The following PKD1 variants were observed in gnomAD, a reference collection of about 807,000 sequenced individuals.
The protein encoded by PKD1 is polycystin-1.
PKD1 carries 81 observed loss-of-function variants against 361.7 expected under a neutral mutation model. That is an observed-to-expected ratio of 0.22 (90% CI 0.19 to 0.27). The LOEUF is 0.27. Ranked by LOEUF, PKD1 falls within the 10% of genes least tolerant of loss-of-function variation. The probability of loss-of-function intolerance (pLI) is 1.00; values close to 1 mark genes in which losing one functional copy is unlikely to be tolerated. For missense variants in PKD1, 6,399 were observed against 6,118.3 expected, an observed-to-expected ratio of 1.05 and a Z score of -1.53; for synonymous variants, 3,615 against 2,818.3, an observed-to-expected ratio of 1.28 and a Z score of -8.95.
rs775658891 is a variant in PKD1, at chr16:2,106,342, G to C, written c.7490-38C>G. ...CCCCACGGCATCACGGGAGGGCTCC[G>C]TGACGTCACAGAGTCGGGGGATCCC... On this transcript the variant is annotated intron_variant, in intron 18 of 45. Coordinates refer to ENST00000262304, the MANE Select transcript of PKD1 (RefSeq NM_001009944.3). This position sits in a 1 kb window ranked among gnomAD's most constrained non-coding sequence, Gnocchi z 6.5. 3 of 1,604,464 alleles carry C rather than the reference G, an allele frequency of 1.9e-6. No homozygotes were observed. The highest frequency in any genetic ancestry group is 2.6e-6 in the Non-Finnish European group (3 of 1,175,848).
Position 2,094,191 on chromosome 16 carries a change from T to G in PKD1, c.10519A>C (p.Lys3507Gln), listed in dbSNP as rs779961497. 2.5e-6 allele frequency: 4 copies of G among 1,605,070 alleles called. No homozygotes were observed. Among genetic ancestry groups the G allele is most frequent in the Non-Finnish European group, 3.4e-6 (4 of 1,174,456 alleles). The stretch of plus-strand genomic sequence containing the variant: ...CTCTGCAGCGCCAGCGTCTCTGTCT[T>G]CTCCCCAGGAGTGCTGGACCTGAGG... ...LSSLSSTPGE[K>Q]TETLALQRLG... The change falls in exon 35 of 46, where the codon AAG (lysine) becomes CAG (glutamine). Residue 3507 changes from lysine (K) to glutamine (Q), a missense_variant. Physicochemically the swap from Lys to Gln is moderately conservative, Grantham distance 53 (BLOSUM62 1). Transcript: ENST00000262304.
rs201085734 is a variant in PKD1 at position 2,092,142 on chromosome 16, G to T, written c.11316C>A (p.Ala3772=). ...AATCGCTGGTGCTGAAGCCTCCTGC[G>T]GCCGAGCACGTGTGGACCCTGGGGC... ...PPGPRVHTCS[A]AGGFSTSDYD... is the part of the protein sequence containing the mutation. The change falls in exon 40 of 46, where the codon GCC becomes GCA. Residue 3772 remains alanine, a synonymous_variant. Transcript: ENST00000262304. The T allele has an allele frequency of 1.9e-6, 3 of 1,612,590 alleles. No individual in the cohort carries two copies. In the Admixed American group the frequency reaches 5.0e-5, roughly 27 times the overall value.
At chr16:2,098,075 C>G (rs2091920603) in intron 30 of PKD1, 91 bp from the exon 31 acceptor site, 1 of 707,844 alleles carries the variant, frequency 1.4e-6, no homozygotes, top group Non-Finnish European at 2.6e-6. Context: ...CAGGACAGAG[C>G]CCGGTGCCAT....
At chr16:2,132,574 CA>C (rs57615937) in intron 1 of PKD1, among the ~76,000 whole-genome samples, 128 of 43,256 alleles carry the variant, frequency 3.0e-3, no homozygotes, top group African/African-American at 7.7e-3. Context: ...GACTCCGTCT[CA>C]AAAAAAAAAA....
At position 2,117,675 on chromosome 16, in the gene PKD1, G is replaced by T. The variant is rs766317718; in HGVS notation, c.1202-3C>A. On this transcript the variant is annotated splice_region_variant and splice_polypyrimidine_tract_variant and intron_variant, in intron 5 of 45. Transcript: ENST00000262304. ...CGAGGGGCAGAGCGGGTGCACCGCT[G>T]GAGACCGGTGGGAACGAGGGTGTCA... is the stretch of plus-strand genomic sequence containing the variant. The T allele has an allele frequency of 6.2e-7, 1 of 1,607,728 alleles. No homozygotes were observed. The highest frequency in any genetic ancestry group is 2.2e-5 in the East Asian group (1 of 44,848).
intron 37 of PKD1, 107 bp from the exon 38 acceptor site, chr16:2,093,200 G>C: frequency 7.2e-7 from 1 of 1,391,404 alleles, no homozygotes; most frequent in Non-Finnish European, 1.0e-6. Flanking sequence ...CTGCAGGAAG[G>C]TGAGCTGGCA....
intron 1 of PKD1, among the ~76,000 whole-genome samples, chr16:2,124,057 A>G (rs2092762247): frequency 6.6e-6 from 1 of 152,140 alleles, no homozygotes. Flanking sequence ...CACTGGGTGG[A>G]GAAGGAAGTC....
intron 1 of PKD1, among the ~76,000 whole-genome samples, chr16:2,127,184 G>A (rs2092809983): frequency 6.6e-6 from 1 of 152,220 alleles, no homozygotes; most frequent in Admixed American, 6.5e-5. Context: ...AATGCAGCGG[G>A]GTCCGCACAT....
Position 2,088,756 on chromosome 16 carries a change from T to C in PKD1, c.*971A>G, listed in dbSNP as rs2091250407. 5 of 1,187,384 alleles carry C rather than the reference T, an allele frequency of 4.2e-6. No homozygotes were observed. The highest frequency in any genetic ancestry group is 1.5e-5 in the African/African-American group (1 of 64,672). 73.6% of individuals were successfully genotyped at this position (1,187,384 alleles called of 1,614,324 possible). On this transcript the variant is annotated 3_prime_UTR_variant, in exon 46 of 46. Coordinates refer to ENST00000262304, the MANE Select transcript of PKD1 (RefSeq NM_001009944.3). ...TGACTTTGTCTGCTTGGTGCGGGGG[T>C]TGGGGGGGTGTCGAGGCTCTAGAAG...
rs776616291 is a variant in PKD1 at position 2,097,221 on chromosome 16, C to A, written c.10426G>T (p.Val3476Phe). The change falls in exon 34 of 46, where the codon GTC (valine) becomes TTC (phenylalanine). Residue 3476 changes from valine (V) to phenylalanine (F), a missense_variant. Transcript: ENST00000262304. ...SASDEDLIQQVLAEGVSSPAP... is the reference protein window; with the variant it reads ...SASDEDLIQQFLAEGVSSPAP... ...GGGCTGCTGACCCCCTCGGCAAGGA[C>A]CTGCTGGATCAGGTCTTCATCTAGA... The A allele has an allele frequency of 6.3e-7, 1 of 1,578,074 alleles. No individual in the cohort carries two copies. Among genetic ancestry groups the A allele is most frequent in the African/African-American group, 1.3e-5 (1 of 74,118 alleles).
At position 2,090,727 on chromosome 16, in the gene PKD1, C is replaced by G; in HGVS notation, c.12085G>C (p.Val4029Leu). The G allele has an allele frequency of 6.2e-7, 1 of 1,612,588 alleles. No individual in the cohort carries two copies. The highest frequency in any genetic ancestry group is 8.5e-7 in the Non-Finnish European group (1 of 1,179,946). The change falls in exon 44 of 46, where the codon GTC becomes CTC. Residue 4029 changes from valine (V) to leucine (L), a missense_variant. Val to Leu is a conservative substitution (Grantham distance 32). Coordinates refer to ENST00000262304, the MANE Select transcript of PKD1 (RefSeq NM_001009944.3). ...LCRALPELLGVTLGLVVLGVA... is the reference protein window; with the variant it reads ...LCRALPELLGLTLGLVVLGVA... ...CCGAGCACCACCAGGCCCAAGGTGA[C>G]CCCCAGGAGCTCTGGCAGAGCTCGG...
intron 1 of PKD1, among the ~76,000 whole-genome samples, chr16:2,123,832 G>C (rs1447699421): frequency 6.6e-6 from 1 of 152,218 alleles, no homozygotes; most frequent in African/African-American, 2.4e-5. Context: ...AGGTGCACAG[G>C]GACAGCCTGA....
intron 39 of PKD1, 110 bp downstream of exon 39, chr16:2,092,370 G>A (rs2091634498): frequency 3.1e-6 from 3 of 972,140 alleles, no homozygotes; most frequent in Non-Finnish European, 3.1e-6. Context: ...GGTGTTAAGA[G>A]GGCAAAGGTC....
In PKD1 at chr16:2,108,883, T is replaced by C. The variant is rs753250956; in HGVS notation, c.6284A>G (p.Asp2095Gly). Residue 2095 changes from aspartate to glycine, a missense_variant, in exon 15 of 46, where the codon GAC becomes GGC. Transcript: ENST00000262304. ...CTGCCCTGGCGACCCATCCCCAAAGTCCCAGTGGTAGGCCACACGCCGGGG... is the reference window on the plus strand; with the variant it reads ...CTGCCCTGGCGACCCATCCCCAAAGCCCCAGTGGTAGGCCACACGCCGGGG... ...PSPRRVAYHW[D>G]FGDGSPGQDT... 3.9e-5 allele frequency: 62 copies of C among 1,579,392 alleles called. 1 individual carries two copies. The South Asian group carries it at 6.2e-4, about 16-fold the overall frequency.
At position 2,118,312 on chromosome 16, in the gene PKD1, T is replaced by C. The variant is rs778828387; in HGVS notation, c.680A>G (p.Gln227Arg). The change falls in exon 5 of 46, where the codon CAG becomes CGG. Residue 227 changes from glutamine (Q) to arginine (R), a missense_variant. By Grantham distance (43) the Gln-to-Arg change is conservative. Coordinates refer to ENST00000262304, the MANE Select transcript of PKD1 (RefSeq NM_001009944.3). The surrounding 1 kb of genome is among the most constrained non-coding windows in gnomAD (Gnocchi z 6.0). The part of the protein sequence containing the change: ...TGQGLAALSE[Q>R]GWCLCGAAQP... Reference sequence around the variant, plus strand: ...GGCCGCCCCACACAGGCACCAGCCCTGCTCCGAGAGGGCTGCGAGGCCCTG... The same window carrying C: ...GGCCGCCCCACACAGGCACCAGCCCCGCTCCGAGAGGGCTGCGAGGCCCTG... 4.6e-6 allele frequency: 7 copies of C among 1,523,356 alleles called. No individual in the cohort carries two copies. In the South Asian group the frequency reaches 8.4e-5, roughly 18 times the overall value. 94.4% of individuals were successfully genotyped at this position (1,523,356 alleles called of 1,614,324 possible). A position where few individuals can be genotyped will look rare whatever the true frequency, so the allele number is the denominator to read the frequency against.
Position 2,088,823 on chromosome 16 carries a change from C to A in PKD1, c.*904G>T, listed in dbSNP as rs2091258797. On this transcript the variant is annotated 3_prime_UTR_variant, in exon 46 of 46. Coordinates refer to ENST00000262304, the MANE Select transcript of PKD1 (RefSeq NM_001009944.3). Reference sequence around the variant, plus strand: ...AGTGGTACACAGAAGCAGGCACAGCCAGCTCCGAGGGCCTTGAGGCTGCCT... The same window carrying A: ...AGTGGTACACAGAAGCAGGCACAGCAAGCTCCGAGGGCCTTGAGGCTGCCT... 1.5e-6 allele frequency: 1 copy of A among 660,994 alleles called. No individual in the cohort carries two copies. Among genetic ancestry groups the A allele is most frequent in the Non-Finnish European group, 2.5e-6 (1 of 395,930 alleles). The allele number at this position is 660,994 out of a possible 1,614,324, so 40.9% of individuals were successfully genotyped here.
At position 2,106,330 on chromosome 16, in the gene PKD1, C is replaced by G; in HGVS notation, c.7490-26G>C. On this transcript the variant is annotated intron_variant, in intron 18 of 45. Coordinates refer to ENST00000262304, the MANE Select transcript of PKD1 (RefSeq NM_001009944.3). The surrounding 1 kb of genome is among the most constrained non-coding windows in gnomAD (Gnocchi z 6.5). The stretch of plus-strand genomic sequence containing the variant: ...CTGAGGGACGGTCCCCACGGCATCA[C>G]GGGAGGGCTCCGTGACGTCACAGAG... 6.2e-7 allele frequency: 1 copy of G among 1,605,864 alleles called. No homozygotes were observed. The highest frequency in any genetic ancestry group is 2.2e-5 in the East Asian group (1 of 44,754).
chr16:2,115,286 G>C (rs1464849101), intron 10 of PKD1, 92 bp downstream of exon 10: 1 of 1,293,398 alleles, frequency 7.7e-7, no homozygotes, highest in Non-Finnish European at 1.1e-6. Flanking sequence ...TGCAGGCTGG[G>C]TGTGTCTGGT....
At position 2,109,842 on chromosome 16, in the gene PKD1, G is replaced by C. The variant is rs373428479; in HGVS notation, c.5325C>G (p.Gly1775=). Residue 1775 remains glycine (G), a synonymous_variant, in exon 15 of 46, where the codon GGC becomes GGG. Transcript: ENST00000262304. The stretch of plus-strand genomic sequence containing the variant: ...CTGCCGTCATGGTGACCAAGTGCAG[G>C]CCGGGTGTGGGGAAGCTATGGGTGG... ...PFTTHSFPTP[G]LHLVTMTAGN... 43 of 1,610,574 alleles carry C rather than the reference G, an allele frequency of 2.7e-5. 1 individual carries two copies. The South Asian group carries it at 4.7e-4, about 18-fold the overall frequency.
Sources: allele counts gnomAD v4.1 joint callset (sites outside exome capture counted in the v4.1 genomes callset), GRCh38; gene constraint gnomAD v4.1.1; non-coding constraint Gnocchi (gnomAD v3.1); transcripts MANE v1.5; gene names NCBI Gene and HGNC (gene_info 2026-07-23, HGNC 2026-07-21).